ACACA: variants seen among roughly 807,000 people sequenced by gnomAD.
The protein encoded by ACACA is acetyl-CoA carboxylase alpha, also known as acetyl-CoA carboxylase 1.
A neutral mutation model predicts 296.1 loss-of-function variants in ACACA; 103 were observed. The ratio of observed to expected loss-of-function variants is 0.35; its 90% CI spans 0.30 to 0.41. The LOEUF is 0.41. Ranked by LOEUF, ACACA falls within the 10% of genes least tolerant of loss-of-function variation. The probability of loss-of-function intolerance (pLI) is 1.00; values close to 1 mark genes in which losing one functional copy is unlikely to be tolerated. For synonymous variants in ACACA, 953 were observed against 1,038.6 expected (o/e 0.92, Z 1.58); for missense variants, 1,554 against 2,989.7 (o/e 0.52, Z 11.20).
rs750402907 is a variant in ACACA, at chr17:37,263,877, A to G, written c.1137T>C (p.Pro379=). 1.3e-5 allele frequency: 21 copies of G among 1,613,922 alleles called. No individual in the cohort carries two copies. Among genetic ancestry groups the G allele is most frequent in the African/African-American group, 4.0e-5 (3 of 74,896 alleles). Residue 379 remains proline (P), a synonymous_variant, in exon 11 of 56, where the codon CCT becomes CCC. Transcript: ENST00000616317. The part of the protein sequence containing the change: ...NLFRQVQAEV[P]GSPIFVMRLA... ...GTCTCATCACAAATATGGGAGATCC[A>G]GGAACTTCAGCTTGAACCTGTATTA...
chr17:37,275,524 G>GA (rs1413174888), intron 8 of ACACA, among the ~76,000 whole-genome samples: 2 of 141,198 alleles, frequency 1.4e-5, no homozygotes, highest in African/African-American at 2.6e-5. Flanking sequence ...GAAAAAAAAA[G>GA]AAAAAAAACA....
intron 45 of ACACA, among the ~76,000 whole-genome samples, chr17:37,147,815 C>T (rs543822519): frequency 1.4e-4 from 22 of 152,254 alleles, no homozygotes; most frequent in Admixed American, 1.0e-3. Context: ...TTTTAACAAG[C>T]AGCCCTGTAA....
chr17:37,308,580 A>G (rs935722666), intron 3 of ACACA, among the ~76,000 whole-genome samples: 2 of 152,212 alleles, frequency 1.3e-5, no homozygotes, highest in Admixed American at 6.5e-5. Flanking sequence ...TTCCACCCAG[A>G]AAGACATGAA....
At chr17:37,172,867 C>A (rs2076930518) in intron 41 of ACACA, among the ~76,000 whole-genome samples, 1 of 152,170 alleles carries the variant, frequency 6.6e-6, no homozygotes, top group Non-Finnish European at 1.5e-5. Context: ...ACAATCAATG[C>A]ATAGACCATG....
intron 48 of ACACA, among the ~76,000 whole-genome samples, chr17:37,123,759 G>T (rs985962930): frequency 3.9e-5 from 6 of 152,144 alleles, no homozygotes; most frequent in African/African-American, 1.4e-4. Flanking sequence ...ACACAGGAGG[G>T]TTTAGAAATA....
intron 29 of ACACA, among the ~76,000 whole-genome samples, chr17:37,213,445 A>G (rs1353728056): frequency 2.6e-5 from 4 of 152,062 alleles, no homozygotes; most frequent in South Asian, 2.1e-4. Context: ...TTCACTTCCT[A>G]TCTGCTGTTT....
intron 45 of ACACA, among the ~76,000 whole-genome samples, chr17:37,137,963 T>C (rs1398860519): frequency 2.6e-5 from 4 of 152,216 alleles, no homozygotes; most frequent in African/African-American, 9.6e-5. Context: ...GTTGGTTAAA[T>C]TTGGGTGGGT....
At chr17:37,183,806 A>G (rs911391623) in intron 39 of ACACA, among the ~76,000 whole-genome samples, 9 of 151,108 alleles carry the variant, frequency 6.0e-5, no homozygotes, top group Admixed American at 1.3e-4. Context: ...GGAAAAAAAA[A>G]AAAGAAAGAA....
chr17:37,211,953 A>C (rs917640720), intron 29 of ACACA, among the ~76,000 whole-genome samples: 3 of 152,178 alleles, frequency 2.0e-5, no homozygotes, highest in African/African-American at 7.2e-5. Flanking sequence ...CTTGGGCCTC[A>C]ACAATACAGA....
chr17:37,310,285 A>G (rs199639633), intron 3 of ACACA, among the ~76,000 whole-genome samples: 1 of 152,108 alleles, frequency 6.6e-6, no homozygotes, highest in Non-Finnish European at 1.5e-5. Flanking sequence ...GAGTGGCTGG[A>G]GGTGCTATTT....
At chr17:37,166,267 G>C (rs546996955) in intron 41 of ACACA, among the ~76,000 whole-genome samples, 2 of 151,916 alleles carry the variant, frequency 1.3e-5, no homozygotes, top group South Asian at 4.2e-4. Flanking sequence ...TGTGTAGCTG[G>C]GACCACAGGC....
intron 3 of ACACA, among the ~76,000 whole-genome samples, chr17:37,294,466 A>G (rs1250881559): frequency 6.6e-6 from 1 of 152,238 alleles, no homozygotes; most frequent in African/African-American, 2.4e-5. Flanking sequence ...CTAGACATGT[A>G]TAGACGCACA....
At chr17:37,122,168 G>A (rs1236847519) in intron 49 of ACACA, among the ~76,000 whole-genome samples, 1 of 152,076 alleles carries the variant, frequency 6.6e-6, no homozygotes, top group Non-Finnish European at 1.5e-5. Context: ...TGGCATTAGG[G>A]CAGACTTCAC....
chr17:37,124,086 C>T (rs1290380625), intron 48 of ACACA, among the ~76,000 whole-genome samples: 1 of 152,140 alleles, frequency 6.6e-6, no homozygotes, highest in African/African-American at 2.4e-5. Flanking sequence ...ACATACATAC[C>T]AAAGATGAGT....
intron 1 of ACACA, among the ~76,000 whole-genome samples, chr17:37,395,171 T>C (rs921702454): frequency 3.3e-5 from 5 of 152,090 alleles, no homozygotes; most frequent in African/African-American, 1.2e-4. Context: ...GGCTCATGCC[T>C]GTAATCCTTG....
At chr17:37,171,475 A>T (rs9908334) in intron 41 of ACACA, among the ~76,000 whole-genome samples, 2 of 152,204 alleles carry the variant, frequency 1.3e-5, no homozygotes, top group Non-Finnish European at 2.9e-5. Context: ...GCTCCTTCAC[A>T]TGATCACAGA....
At chr17:37,188,949 G>A (rs943913878) in intron 38 of ACACA, among the ~76,000 whole-genome samples, 1 of 152,098 alleles carries the variant, frequency 6.6e-6, no homozygotes, top group Admixed American at 6.5e-5. Context: ...TTTTCATACA[G>A]TTTTATTAAA....
At chr17:37,183,787 A>G (rs1230695213) in intron 39 of ACACA, among the ~76,000 whole-genome samples, 1 of 149,968 alleles carries the variant, frequency 6.7e-6, no homozygotes, top group Non-Finnish European at 1.5e-5. Flanking sequence ...GTGAGACTCC[A>G]TCTCAAAAGG....
intron 41 of ACACA, among the ~76,000 whole-genome samples, chr17:37,174,020 A>ATATATATT (rs552735515): frequency 1.8e-4 from 3 of 16,790 alleles, no homozygotes; most frequent in African/African-American, 2.6e-4. Flanking sequence ...ATATATATAT[A>ATATATATT]TTTTTTTTTT....
Sources: allele counts gnomAD v4.1 joint callset (sites outside exome capture counted in the v4.1 genomes callset), GRCh38; gene constraint gnomAD v4.1.1; transcripts MANE v1.5; gene names NCBI Gene and HGNC (gene_info 2026-07-23, HGNC 2026-07-21).